The following CD46 variants were observed in gnomAD, a reference collection of about 807,000 sequenced individuals.
CD46 encodes the protein CD46 molecule.
Under a neutral mutation model 53.3 loss-of-function variants are expected in CD46, and 30 were observed. The ratio of observed to expected loss-of-function variants is 0.56; its 90% CI spans 0.42 to 0.76. The LOEUF (loss-of-function observed/expected upper bound fraction) is 0.76. CD46 is among the 30% of genes least tolerant of loss of function. The pLI is 0.00. For synonymous variants in CD46, 142 were observed against 152.0 expected, an observed-to-expected ratio of 0.93 and a Z score of 0.48; for missense variants, 409 against 463.0, an observed-to-expected ratio of 0.88 and a Z score of 1.07.
intron 8 of CD46, among the ~76,000 whole-genome samples, chr1:207,773,387 T>TA (rs1657736507): frequency 6.6e-6 from 1 of 152,240 alleles, no homozygotes; most frequent in Non-Finnish European, 1.5e-5. Flanking sequence ...TTTATATCTT[T>TA]ACCTCCTTCA....
chr1:207,757,200 A>G lies in CD46; in HGVS notation c.284A>G (p.Tyr95Cys). Residue 95 changes from tyrosine to cysteine, a missense_variant and splice_region_variant, in exon 2 of 13, where the codon TAT becomes TGT. Transcript: ENST00000367042. Reference protein sequence around the residue: ...TWLPVSDDACYRETCPYIRDP... With the variant: ...TWLPVSDDACCRETCPYIRDP... Reference sequence around the variant, plus strand: ...CTACCTGTCTCAGATGACGCCTGTTATAGTAAGTAAACAAACCTCTTTTTT... The same window carrying G: ...CTACCTGTCTCAGATGACGCCTGTTGTAGTAAGTAAACAAACCTCTTTTTT... 2 of 1,611,882 alleles carry G rather than the reference A, an allele frequency of 1.2e-6. No individual in the cohort carries two copies. The highest frequency in any genetic ancestry group is 1.7e-6 in the Non-Finnish European group (2 of 1,178,858).
chr1:207,784,292 G>A (rs41317977), intron 9 of CD46, among the ~76,000 whole-genome samples: 2 of 152,208 alleles, frequency 1.3e-5, no homozygotes, highest in African/African-American at 2.4e-5. Flanking sequence ...ATCACTTTTG[G>A]AGGAAAAAAT....
intron 9 of CD46, among the ~76,000 whole-genome samples, chr1:207,784,740 T>G (rs1000445683): frequency 1.3e-5 from 2 of 152,118 alleles, no homozygotes; most frequent in Non-Finnish European, 2.9e-5. Context: ...CTTATAATCA[T>G]GGAGGAAGGG....
At chr1:207,792,145 G>A (rs111527457) in intron 12 of CD46, among the ~76,000 whole-genome samples, 5 of 152,140 alleles carry the variant, frequency 3.3e-5, no homozygotes, top group African/African-American at 7.2e-5. Flanking sequence ...GCATGGTGGT[G>A]CACACCTGTA....
intron 3 of CD46, among the ~76,000 whole-genome samples, 172 bp from the exon 4 acceptor site, chr1:207,759,467 T>C (rs570002750): frequency 6.6e-6 from 1 of 152,366 alleles, no homozygotes; most frequent in Middle Eastern, 3.4e-3. Context: ...GAAACTCTAT[T>C]TGATTAAATT....
At chr1:207,767,725 C>G in intron 6 of CD46, 54 bp from the exon 7 acceptor site, 7 of 1,582,882 alleles carry the variant, frequency 4.4e-6, no homozygotes, top group Non-Finnish European at 6.1e-6. Context: ...GAGAAATTGC[C>G]AGCAATAACT....
chr1:207,769,625 T>C (rs1319818632), intron 7 of CD46: 3 of 152,198 alleles, frequency 2.0e-5, no homozygotes, highest in Non-Finnish European at 4.4e-5. Flanking sequence ...AACAACATCA[T>C]GATGTTAAGG....
At chr1:207,771,309 T>C (rs1248788393) in intron 8 of CD46, among the ~76,000 whole-genome samples, 1 of 152,252 alleles carries the variant, frequency 6.6e-6, no homozygotes, top group Non-Finnish European at 1.5e-5. Context: ...CTTTGTCAGA[T>C]GGGCAGATTG....
At chr1:207,776,542 TA>T (rs1288875663) in intron 8 of CD46, among the ~76,000 whole-genome samples, 1 of 152,250 alleles carries the variant, frequency 6.6e-6, no homozygotes, top group South Asian at 2.1e-4. Flanking sequence ...AAGACATATC[TA>T]AAAAAATGTT....
chr1:207,764,575 C>T (rs1378724296), intron 5 of CD46, among the ~76,000 whole-genome samples: 1 of 152,118 alleles, frequency 6.6e-6, no homozygotes, highest in African/African-American at 2.4e-5. Flanking sequence ...GTGATGTAAA[C>T]TTTACTTGAT....
rs149162282 is a variant in CD46 at position 207,770,467 on chromosome 1, A to G, written c.943+105A>G. The G allele has an allele frequency of 1.9e-4, 156 of 807,610 alleles. No individual in the cohort carries two copies. The Middle Eastern group carries it at 2.2e-3, about 11-fold the overall frequency. The allele number at this position is 807,610 out of a possible 1,614,324, so 50.0% of individuals were successfully genotyped here. A position where few individuals can be genotyped will look rare whatever the true frequency, so the allele number is the denominator to read the frequency against. On this transcript the variant is annotated intron_variant, in intron 8 of 12. Transcript: ENST00000367042. ...TGTGCACAGCGTGCAGGTTTGTTAC[A>G]TAGGTATACGTGTGCCATGTTGGTT...
At chr1:207,760,983 C>A (rs528375251) in intron 4 of CD46, 150 of 425,460 alleles carry the variant, frequency 3.5e-4, no homozygotes, top group South Asian at 2.2e-3. Flanking sequence ...ATTTGACATG[C>A]GATTTGGTGG....
At chr1:207,789,870 G>GA (rs150136290) in intron 11 of CD46, among the ~76,000 whole-genome samples, 2,953 of 43,346 alleles carry the variant, frequency 0.068, 317 homozygotes, top group Non-Finnish European at 0.081. Flanking sequence ...GCTGTGTCTT[G>GA]AAAAAAAAAA....
chr1:207,792,646 C>T (rs749257007), intron 12 of CD46, among the ~76,000 whole-genome samples: 185 of 152,312 alleles, frequency 1.2e-3, no homozygotes, highest in Non-Finnish European at 1.7e-3. Context: ...TTTGCTGTGG[C>T]ACACATACTA....
At chr1:207,756,448 C>T (rs1035746341) in intron 1 of CD46, among the ~76,000 whole-genome samples, 19 of 152,160 alleles carry the variant, frequency 1.2e-4, no homozygotes, top group African/African-American at 3.9e-4. Flanking sequence ...TTCCCAGGCA[C>T]GGTAGCAGAC....
At chr1:207,786,850 A>G (rs146241737) in intron 11 of CD46, among the ~76,000 whole-genome samples, 255 of 152,344 alleles carry the variant, frequency 1.7e-3, no homozygotes, top group Admixed American at 4.0e-3. Context: ...TGTATATTCT[A>G]AAAGTTACAT....
At chr1:207,789,402 T>C (rs1378320907) in intron 11 of CD46, among the ~76,000 whole-genome samples, 2 of 152,096 alleles carry the variant, frequency 1.3e-5, no homozygotes, top group East Asian at 1.9e-4. Context: ...TATAGTGACA[T>C]GGGGCAAAAA....
chr1:207,784,549 C>G (rs1257174016), intron 9 of CD46, among the ~76,000 whole-genome samples: 1 of 152,166 alleles, frequency 6.6e-6, no homozygotes, highest in African/African-American at 2.4e-5. Context: ...GTTCTATGAT[C>G]AAAATGACCT....
chr1:207,761,028 C>T, intron 4 of CD46: 2 of 541,862 alleles, frequency 3.7e-6, no homozygotes, highest in South Asian at 2.1e-5. Context: ...TAGGTATTTA[C>T]ACTTTAAGAA....
Sources: allele counts gnomAD v4.1 joint callset (sites outside exome capture counted in the v4.1 genomes callset), GRCh38; gene constraint gnomAD v4.1.1; transcripts MANE v1.5; gene names NCBI Gene and HGNC (gene_info 2026-07-23, HGNC 2026-07-21).